The following OSBP2 variants were observed in gnomAD, a reference collection of about 807,000 sequenced individuals.
OSBP2 encodes oxysterol binding protein 2.
Under a neutral mutation model 96.0 loss-of-function variants are expected in OSBP2, and 66 were observed. The ratio of observed to expected loss-of-function variants is 0.69; its 90% CI spans 0.56 to 0.84. The LOEUF (loss-of-function observed/expected upper bound fraction) is 0.84. Among genes scored for constraint, OSBP2 ranks in the 40% least tolerant of loss-of-function variants. The pLI is 0.00. For synonymous variants in OSBP2, 525 were observed against 520.9 expected (o/e 1.01, Z -0.11); for missense variants, 1,038 against 1,222.7 (o/e 0.85, Z 2.25).
At chr22:30,759,277 G>C (rs1252248941) in intron 2 of OSBP2, among the ~76,000 whole-genome samples, 1 of 152,138 alleles carries the variant, frequency 6.6e-6, no homozygotes, top group Non-Finnish European at 1.5e-5. Flanking sequence ...GAGCCTGGGA[G>C]GCAGAGCTTG....
chr22:30,729,176 A>C (rs915171704), intron 1 of OSBP2, among the ~76,000 whole-genome samples: 1 of 152,144 alleles, frequency 6.6e-6, no homozygotes, highest in Non-Finnish European at 1.5e-5. Flanking sequence ...CCTAGTATAA[A>C]GGTTCCCCAA....
At chr22:30,743,514 G>A (rs1211838117) in intron 2 of OSBP2, among the ~76,000 whole-genome samples, 4 of 152,124 alleles carry the variant, frequency 2.6e-5, no homozygotes, top group African/African-American at 4.8e-5. Context: ...GACATGGGCT[G>A]TGTTGGGACC....
chr22:30,745,385 C>T (rs1041635723), intron 2 of OSBP2, among the ~76,000 whole-genome samples: 4 of 152,104 alleles, frequency 2.6e-5, no homozygotes, highest in Admixed American at 6.6e-5. Context: ...TTGGGCTGGG[C>T]GTGGTGGCTC....
chr22:30,836,919 C>T (rs1400640069), intron 2 of OSBP2, among the ~76,000 whole-genome samples: 2 of 152,148 alleles, frequency 1.3e-5, no homozygotes, highest in Non-Finnish European at 2.9e-5. Flanking sequence ...TCTCCGTCAA[C>T]TCTTGTTAAG....
At chr22:30,810,139 C>T (rs192310897) in intron 2 of OSBP2, among the ~76,000 whole-genome samples, 14 of 152,110 alleles carry the variant, frequency 9.2e-5, no homozygotes, top group Admixed American at 8.5e-4. Context: ...TGGACACCAT[C>T]GCTTGGGCCC....
At chr22:30,882,724 G>A (rs1353965855) in intron 3 of OSBP2, among the ~76,000 whole-genome samples, 2 of 152,140 alleles carry the variant, frequency 1.3e-5, no homozygotes, top group African/African-American at 2.4e-5. Flanking sequence ...GGAGAGGATT[G>A]GAAACCATTT....
chr22:30,723,750 A>G (rs971778013), intron 1 of OSBP2, among the ~76,000 whole-genome samples: 1 of 152,096 alleles, frequency 6.6e-6, no homozygotes, highest in African/African-American at 2.4e-5. Flanking sequence ...TATTTACAGC[A>G]GTTTTAGATT....
At chr22:30,864,529 G>A (rs1361833748) in intron 2 of OSBP2, among the ~76,000 whole-genome samples, 1 of 152,216 alleles carries the variant, frequency 6.6e-6, no homozygotes, top group Non-Finnish European at 1.5e-5. Flanking sequence ...CCAGGAAGGA[G>A]AAAGGATATG....
chr22:30,736,401 G>C (rs1318224371), intron 1 of OSBP2, among the ~76,000 whole-genome samples: 2 of 152,112 alleles, frequency 1.3e-5, no homozygotes, highest in Non-Finnish European at 2.9e-5. Flanking sequence ...GTCCCCTGGA[G>C]AGTCCCGTCT....
chr22:30,773,969 A>G (rs1015894589), intron 2 of OSBP2, among the ~76,000 whole-genome samples: 3 of 152,172 alleles, frequency 2.0e-5, no homozygotes, highest in Admixed American at 1.3e-4. Flanking sequence ...AGTGGGGGCC[A>G]GGGATGCTTG....
chr22:30,712,296 A>G (rs1391366803), intron 1 of OSBP2, among the ~76,000 whole-genome samples: 2 of 152,152 alleles, frequency 1.3e-5, no homozygotes. Flanking sequence ...TCTCTAGAGC[A>G]GTACATCAGC....
chr22:30,714,424 G>A (rs1243945524), intron 1 of OSBP2, among the ~76,000 whole-genome samples: 1 of 148,164 alleles, frequency 6.7e-6, no homozygotes, highest in Non-Finnish European at 1.5e-5. Context: ...TTTTTTTGTT[G>A]TAGTAAAAAA....
intron 2 of OSBP2, among the ~76,000 whole-genome samples, chr22:30,768,463 G>A (rs2090305790): frequency 6.6e-6 from 1 of 152,098 alleles, no homozygotes; most frequent in Admixed American, 6.5e-5. Flanking sequence ...GATCACCTGA[G>A]GTCAGGAGTT....
At chr22:30,767,138 C>CAAAAAA (rs1156950666) in intron 2 of OSBP2, among the ~76,000 whole-genome samples, 6 of 78,488 alleles carry the variant, frequency 7.6e-5, no homozygotes, top group African/African-American at 2.8e-4. Context: ...ACTAAAAATA[C>CAAAAAA]AAAAAAAAAA....
chr22:30,802,865 G>C (rs1258154110), intron 2 of OSBP2, among the ~76,000 whole-genome samples: 1 of 152,236 alleles, frequency 6.6e-6, no homozygotes, highest in Non-Finnish European at 1.5e-5. Flanking sequence ...GCTGACGGGC[G>C]GGCGGGCGGA....
chr22:30,822,721 C>A, intron 2 of OSBP2: 9 of 1,519,222 alleles, frequency 5.9e-6, no homozygotes, highest in Non-Finnish European at 7.9e-6. Context: ...TTAGTGCTTG[C>A]CGGGCTTCCA....
chr22:30,705,020 C>T (rs932274928), intron 1 of OSBP2, among the ~76,000 whole-genome samples: 2 of 152,234 alleles, frequency 1.3e-5, no homozygotes, highest in South Asian at 4.1e-4. Flanking sequence ...AGTGCCCATA[C>T]TTGGCTTTGA....
rs745483523 is a variant in OSBP2, at chr22:30,871,427, G to A, written c.1107+745G>A. 2.6e-5 allele frequency among the ~76,000 whole-genome samples: 4 copies of A among 152,120 alleles called. No homozygotes were observed. The highest frequency in any genetic ancestry group is 5.9e-5 in the Non-Finnish European group (4 of 68,024). On this transcript the variant is annotated intron_variant, in intron 3 of 13. Coordinates refer to ENST00000332585, the MANE Select transcript of OSBP2 (RefSeq NM_030758.4). This position sits in a 1 kb window ranked among gnomAD's most constrained non-coding sequence, Gnocchi z 4.7. ...CCAGGCCTCCACCCTCCAGACACAG[G>A]TCTGACTGCAACAGCCTCCTCCCAG...
At chr22:30,736,756 C>A (rs748145281) in intron 1 of OSBP2, among the ~76,000 whole-genome samples, 6 of 152,132 alleles carry the variant, frequency 3.9e-5, no homozygotes, top group Non-Finnish European at 7.4e-5. Flanking sequence ...ATTCAAATTC[C>A]ATTAGTCTCT....
Sources: allele counts gnomAD v4.1 joint callset (sites outside exome capture counted in the v4.1 genomes callset), GRCh38; gene constraint gnomAD v4.1.1; non-coding constraint Gnocchi (gnomAD v3.1); transcripts MANE v1.5; gene names NCBI Gene and HGNC (gene_info 2026-07-23, HGNC 2026-07-21).